Variants in DIAPH2 observed in about 807,000 individuals in gnomAD.
DIAPH2 encodes the protein protein diaphanous homolog 2.
DIAPH2 carries 35 observed loss-of-function variants against 92.7 expected under a neutral mutation model. The ratio of observed to expected loss-of-function variants is 0.38; its 90% CI spans 0.29 to 0.50. DIAPH2 has a LOEUF of 0.50. Ranked by LOEUF, DIAPH2 falls within the 20% of genes least tolerant of loss-of-function variation. The pLI is 0.94. For missense variants in DIAPH2, 701 were observed against 819.5 expected (o/e 0.86, Z 1.77); for synonymous variants, 301 against 280.4 (o/e 1.07, Z -0.73).
At chrX:96,951,837 TTTAAC>T (rs1275263400) in intron 15 of DIAPH2, among the ~76,000 whole-genome samples, 1 of 111,864 alleles carries the variant, frequency 8.9e-6, no homozygotes, top group Non-Finnish European at 1.9e-5. Flanking sequence ...AAAATATATA[TTTAAC>T]TTGAGTAAAA....
At chrX:97,378,298 G>A (rs868861837) in intron 24 of DIAPH2, among the ~76,000 whole-genome samples, 11 of 109,226 alleles carry the variant, frequency 1.0e-4, no homozygotes, top group Middle Eastern at 4.7e-3. Context: ...TGGGAGAATC[G>A]CTTGAACCCA....
intron 26 of DIAPH2, among the ~76,000 whole-genome samples, chrX:97,542,988 A>G (rs1770722891): frequency 8.9e-6 from 1 of 112,260 alleles, no homozygotes; most frequent in Admixed American, 9.5e-5. Context: ...AGTATATTCC[A>G]TTATCTGTTG....
At chrX:97,446,346 T>A in intron 26 of DIAPH2, among the ~76,000 whole-genome samples, 1 of 111,893 alleles carries the variant, frequency 8.9e-6, no homozygotes, top group East Asian at 2.8e-4. Flanking sequence ...AAGGAAAAAA[T>A]TCTGTATTTC....
At chrX:96,710,566 T>A (rs1488407234) in intron 1 of DIAPH2, among the ~76,000 whole-genome samples, 1 of 111,587 alleles carries the variant, frequency 9.0e-6, no homozygotes, top group Non-Finnish European at 1.9e-5. Flanking sequence ...ATTTTTCTCT[T>A]TTTACTTTGT....
intron 4 of DIAPH2, among the ~76,000 whole-genome samples, chrX:96,790,318 G>T: frequency 9.0e-6 from 1 of 110,946 alleles, no homozygotes; most frequent in East Asian, 2.8e-4. Context: ...TGATCCGCCT[G>T]CCTCGGCCTC....
At chrX:97,507,828 G>C (rs1283510595) in intron 26 of DIAPH2, among the ~76,000 whole-genome samples, 2 of 111,441 alleles carry the variant, frequency 1.8e-5, no homozygotes, top group African/African-American at 6.5e-5. Context: ...ACAGCCCTTT[G>C]AAAGTGATGA....
intron 1 of DIAPH2, among the ~76,000 whole-genome samples, chrX:96,715,855 C>T (rs901004797): frequency 2.7e-5 from 3 of 109,977 alleles, no homozygotes; most frequent in African/African-American, 9.9e-5. Context: ...GACGTAATAG[C>T]ATGAGAATAA....
chrX:96,933,821 T>C (rs1318238605), intron 10 of DIAPH2, among the ~76,000 whole-genome samples: 2 of 103,880 alleles, frequency 1.9e-5, no homozygotes, highest in African/African-American at 7.0e-5. Flanking sequence ...TTTCACCATG[T>C]TGGCCAGGAT....
chrX:97,452,880 A>C (rs1439145703), intron 26 of DIAPH2, among the ~76,000 whole-genome samples: 1 of 112,028 alleles, frequency 8.9e-6, no homozygotes, highest in Non-Finnish European at 1.9e-5. Context: ...TTTATCAATT[A>C]CATATCCCTC....
chrX:97,180,289 G>A (rs766126217), intron 22 of DIAPH2, among the ~76,000 whole-genome samples: 28 of 111,996 alleles, frequency 2.5e-4, no homozygotes, highest in South Asian at 3.7e-4. Flanking sequence ...TTTGTTGGCC[G>A]CATAAATGTC....
intron 17 of DIAPH2, among the ~76,000 whole-genome samples, chrX:96,981,660 A>G (rs772013430): frequency 8.9e-6 from 1 of 112,085 alleles, no homozygotes; most frequent in South Asian, 3.7e-4. Flanking sequence ...GTGGAGCTTG[A>G]AATCAAGCTC....
intron 4 of DIAPH2, among the ~76,000 whole-genome samples, chrX:96,761,799 C>T (rs1190564983): frequency 9.1e-6 from 1 of 110,478 alleles, no homozygotes; most frequent in Non-Finnish European, 1.9e-5. Flanking sequence ...TCTGTCTTTT[C>T]GGTGGGAGGA....
At chrX:96,975,070 A>C (rs1205935660) in intron 17 of DIAPH2, among the ~76,000 whole-genome samples, 1 of 111,826 alleles carries the variant, frequency 8.9e-6, no homozygotes, top group Non-Finnish European at 1.9e-5. Context: ...TAGCTTTAAT[A>C]ATAACAGAAA....
Position 97,187,539 on chromosome X carries a change from G to C in DIAPH2, c.2719+45745G>C, listed in dbSNP as rs756363550. On this transcript the variant is annotated intron_variant, in intron 22 of 26. Coordinates refer to ENST00000324765, the MANE Select transcript of DIAPH2 (RefSeq NM_006729.5). The stretch of plus-strand genomic sequence containing the variant: ...GATCTGCCTGCCTCGGCCTCCCAAA[G>C]TGCTGGGATTACAGGCGTGAGCCAC... Among the ~76,000 whole-genome samples, 4 of 109,653 alleles carry C rather than the reference G, an allele frequency of 3.6e-5. No individual in the cohort carries two copies. In the East Asian group the frequency reaches 1.1e-3, roughly 32 times the overall value.
chrX:97,046,238 A>G (rs1446415265), intron 17 of DIAPH2, among the ~76,000 whole-genome samples: 1 of 109,335 alleles, frequency 9.1e-6, no homozygotes, highest in African/African-American at 3.3e-5. Context: ...TTGGAAAGAA[A>G]AAGTTGAAGT....
At chrX:96,687,701 A>G (rs2063778625) in intron 1 of DIAPH2, among the ~76,000 whole-genome samples, 1 of 111,508 alleles carries the variant, frequency 9.0e-6, no homozygotes, top group Non-Finnish European at 1.9e-5. Flanking sequence ...TTATATCCTC[A>G]ACTTTTTAAT....
intron 23 of DIAPH2, among the ~76,000 whole-genome samples, chrX:97,329,207 G>T (rs1286844554): frequency 8.9e-6 from 1 of 112,216 alleles, no homozygotes; most frequent in Non-Finnish European, 1.9e-5. Context: ...ATATGTGTTT[G>T]GATGTGTGTT....
intron 26 of DIAPH2, among the ~76,000 whole-genome samples, chrX:97,519,873 G>A (rs1358230645): frequency 1.8e-5 from 2 of 110,388 alleles, no homozygotes; most frequent in African/African-American, 3.3e-5. Flanking sequence ...TTACAGGCGC[G>A]CTGTAATTTT....
chrX:96,823,364 G>T (rs1012654520), intron 4 of DIAPH2, among the ~76,000 whole-genome samples: 2 of 111,106 alleles, frequency 1.8e-5, no homozygotes, highest in Non-Finnish European at 3.8e-5. Flanking sequence ...TAAAATAATT[G>T]TATGATAATT....
Sources: allele counts gnomAD v4.1 joint callset (sites outside exome capture counted in the v4.1 genomes callset), GRCh38; gene constraint gnomAD v4.1.1; transcripts MANE v1.5; gene names NCBI Gene and HGNC (gene_info 2026-07-23, HGNC 2026-07-21).